CHSY3: variants seen among roughly 807,000 people sequenced by gnomAD.
The protein encoded by CHSY3 is chondroitin sulfate synthase 3, also known as N-acetylgalactosaminyl-proteoglycan 3-beta-glucuronosyltransferase 3.
A neutral mutation model predicts 67.2 loss-of-function variants in CHSY3; 35 were observed. That is an observed-to-expected ratio of 0.52 (90% CI 0.40 to 0.69). The LOEUF (loss-of-function observed/expected upper bound fraction) is 0.69. CHSY3 is among the 30% of genes least tolerant of loss of function. The pLI, the probability that CHSY3 is intolerant of heterozygous loss-of-function variation, is 0.00. For synonymous variants in CHSY3, 474 were observed against 434.7 expected (o/e 1.09, Z -1.12); for missense variants, 1,069 against 1,138.5 (o/e 0.94, Z 0.88).
chr5:129,904,892 CG>C lies in CHSY3; in HGVS notation c.64del (p.Ala22ProfsTer13). The C allele has an allele frequency of 6.6e-7, 1 of 1,524,582 alleles. No homozygotes were observed. 94.4% of individuals were successfully genotyped at this position (1,524,582 alleles called of 1,614,324 possible). On this transcript the variant is annotated frameshift_variant, in exon 1 of 3. Transcript: ENST00000305031. LOFTEE classifies it high-confidence loss of function. Reference protein sequence around the residue: ...VALGLVLGFTAASWLIAPRVA... With the variant: ...VALGLVLGFTXASWLIAPRVA... The stretch of plus-strand genomic sequence containing the variant: ...CATTAGGGCTGGTGCTGGGCTTCAC[CG>C]CCGCGTCCTGGCTCATCGCCCCCAG...
At chr5:129,934,579 A>G (rs1013838094) in intron 2 of CHSY3, among the ~76,000 whole-genome samples, 2 of 152,148 alleles carry the variant, frequency 1.3e-5, no homozygotes, top group African/African-American at 4.8e-5. Flanking sequence ...CAGGTTCTGG[A>G]GGAGTAAGTC....
intron 2 of CHSY3, chr5:130,141,266 G>A (rs1561555842): frequency 1.1e-5 from 5 of 455,506 alleles, no homozygotes; most frequent in Non-Finnish European, 1.7e-5. Context: ...TCCTCATTAA[G>A]CATAATCCCA....
At chr5:130,050,099 C>T (rs527319015) in intron 2 of CHSY3, among the ~76,000 whole-genome samples, 1 of 152,044 alleles carries the variant, frequency 6.6e-6, no homozygotes, top group Non-Finnish European at 1.5e-5. Flanking sequence ...ACTACTAAGC[C>T]ACTTACTGTT....
chr5:130,125,735 T>C (rs1768259673), intron 2 of CHSY3, among the ~76,000 whole-genome samples: 1 of 152,194 alleles, frequency 6.6e-6, no homozygotes, highest in African/African-American at 2.4e-5. Context: ...ATCTGTTGAC[T>C]TGATGGTGGC....
chr5:129,976,408 C>A (rs921172936), intron 2 of CHSY3, among the ~76,000 whole-genome samples: 1 of 152,150 alleles, frequency 6.6e-6, no homozygotes, highest in Non-Finnish European at 1.5e-5. Context: ...TTTGCCCCCC[C>A]ATAACCAATC....
At chr5:130,046,394 C>G (rs927943859) in intron 2 of CHSY3, among the ~76,000 whole-genome samples, 7 of 152,052 alleles carry the variant, frequency 4.6e-5, no homozygotes, top group African/African-American at 1.4e-4. Flanking sequence ...AAAATAAAAT[C>G]TGGCTAGTTA....
At chr5:130,162,276 A>C (rs1228666866) in intron 2 of CHSY3, among the ~76,000 whole-genome samples, 1 of 152,108 alleles carries the variant, frequency 6.6e-6, no homozygotes, top group Non-Finnish European at 1.5e-5. Flanking sequence ...TGTATGATAT[A>C]TAAATATATT....
chr5:130,024,189 C>G (rs1386692099), intron 2 of CHSY3, among the ~76,000 whole-genome samples: 1 of 148,778 alleles, frequency 6.7e-6, no homozygotes, highest in Non-Finnish European at 1.5e-5. Flanking sequence ...TTCTCCTTGC[C>G]TGTTTTGTAA....
chr5:129,957,641 C>T (rs1392732801), intron 2 of CHSY3, among the ~76,000 whole-genome samples: 2 of 152,068 alleles, frequency 1.3e-5, no homozygotes, highest in African/African-American at 4.8e-5. Context: ...TATGGATCAA[C>T]TGTGTTCTAT....
At chr5:129,924,443 C>T (rs1761028598) in intron 2 of CHSY3, among the ~76,000 whole-genome samples, 1 of 151,842 alleles carries the variant, frequency 6.6e-6, no homozygotes, top group Non-Finnish European at 1.5e-5. Flanking sequence ...ATCAAGAGAC[C>T]AAGACCATCC....
At chr5:130,037,211 A>G (rs1764885735) in intron 2 of CHSY3, among the ~76,000 whole-genome samples, 1 of 152,100 alleles carries the variant, frequency 6.6e-6, no homozygotes, top group African/African-American at 2.4e-5. Context: ...TGACCTAGAA[A>G]AAATTAGCCC....
At chr5:129,929,499 C>T (rs1761228787) in intron 2 of CHSY3, among the ~76,000 whole-genome samples, 1 of 152,164 alleles carries the variant, frequency 6.6e-6, no homozygotes, top group African/African-American at 2.4e-5. Context: ...TAGAATTTCA[C>T]TTGATGGGCT....
chr5:130,096,105 C>T (rs1767035244), intron 2 of CHSY3, among the ~76,000 whole-genome samples: 1 of 152,034 alleles, frequency 6.6e-6, no homozygotes, highest in Non-Finnish European at 1.5e-5. Context: ...CAACTAAATG[C>T]AATATGGGAT....
chr5:130,062,244 CA>C (rs1380201032), intron 2 of CHSY3, among the ~76,000 whole-genome samples: 2 of 152,044 alleles, frequency 1.3e-5, no homozygotes, highest in Non-Finnish European at 2.9e-5. Context: ...ATTCCCTTTG[CA>C]GCAACATGTA....
At chr5:130,058,543 C>T (rs1339920039) in intron 2 of CHSY3, among the ~76,000 whole-genome samples, 1 of 152,166 alleles carries the variant, frequency 6.6e-6, no homozygotes, top group Non-Finnish European at 1.5e-5. Flanking sequence ...AGGGGAATCA[C>T]TTGAACCCTG....
In CHSY3 at chr5:129,904,737, G is replaced by T; in HGVS notation, c.-93G>T. 8.1e-7 allele frequency: 1 copy of T among 1,232,580 alleles called. No individual in the cohort carries two copies. The highest frequency in any genetic ancestry group is 1.0e-6 in the Non-Finnish European group (1 of 988,940). The allele number at this position is 1,232,580 out of a possible 1,614,324, so 76.4% of individuals were successfully genotyped here. On this transcript the variant is annotated 5_prime_UTR_variant, in exon 1 of 3. Transcript: ENST00000305031. ...GCGGCCGGCTGCGGCCGCGGCTGGGGGCGCAAAGGCGGAGGAGGGGCGGGT... is the reference window on the plus strand; with the variant it reads ...GCGGCCGGCTGCGGCCGCGGCTGGGTGCGCAAAGGCGGAGGAGGGGCGGGT...
chr5:130,081,342 G>A (rs1181394332), intron 2 of CHSY3, among the ~76,000 whole-genome samples: 2 of 148,288 alleles, frequency 1.3e-5, no homozygotes, highest in Non-Finnish European at 3.0e-5. Flanking sequence ...GTGGGTGGGG[G>A]TGCTGCAGGA....
chr5:130,074,029 G>T (rs1466386547), intron 2 of CHSY3, among the ~76,000 whole-genome samples: 2 of 152,048 alleles, frequency 1.3e-5, no homozygotes, highest in Admixed American at 6.6e-5. Flanking sequence ...CACGTTGGAA[G>T]ATTTAACAAT....
chr5:130,128,614 C>G (rs1272994862), intron 2 of CHSY3, among the ~76,000 whole-genome samples: 1 of 152,014 alleles, frequency 6.6e-6, no homozygotes, highest in Non-Finnish European at 1.5e-5. Context: ...GCTAATAATA[C>G]TATGTTGCAT....
Sources: gnomAD v4.1 joint callset for allele counts (sites outside exome capture counted in the v4.1 genomes callset) on GRCh38, gnomAD v4.1.1 for gene constraint, MANE v1.5 for transcripts, NCBI Gene and HGNC (gene_info 2026-07-23, HGNC 2026-07-21) for gene names.